TEX11: variants seen among roughly 807,000 people sequenced by gnomAD.
TEX11 encodes the protein testis expressed 11.
TEX11 carries 7 observed loss-of-function variants against 84.4 expected under a neutral mutation model. That is an observed-to-expected ratio of 0.08 (90% CI 0.05 to 0.16). The LOEUF is 0.16. Among genes scored for constraint, TEX11 ranks in the 10% least tolerant of loss-of-function variants. TEX11 has a pLI of 1.00. For synonymous variants in TEX11, 264 were observed against 222.8 expected (o/e 1.18, Z -1.64); for missense variants, 551 against 660.5 (o/e 0.83, Z 1.82).
chrX:70,691,695 G>A (rs2090236251), intron 13 of TEX11, among the ~76,000 whole-genome samples: 2 of 111,097 alleles, frequency 1.8e-5, no homozygotes, highest in African/African-American at 6.5e-5. Context: ...GCTGGTCAAA[G>A]GATATACACT....
At chrX:70,536,605 C>A (rs2087961744) in intron 28 of TEX11, among the ~76,000 whole-genome samples, 1 of 111,981 alleles carries the variant, frequency 8.9e-6, no homozygotes, top group Non-Finnish European at 1.9e-5. Context: ...TGTGATATAC[C>A]TTTTCCATTG....
chrX:70,782,652 A>AAAAAAAAAAAAAAAAAC (rs1569439773), intron 9 of TEX11, among the ~76,000 whole-genome samples: 2 of 102,310 alleles, frequency 2.0e-5, no homozygotes, highest in Admixed American at 1.1e-4. Flanking sequence ...AAGCAAAAAA[A>AAAAAAAAAAAAAAAAAC]AAAAAAAAAA....
intron 25 of TEX11, among the ~76,000 whole-genome samples, chrX:70,555,004 A>C (rs1015902693): frequency 8.9e-6 from 1 of 112,118 alleles, no homozygotes; most frequent in Admixed American, 9.5e-5. Flanking sequence ...TCTCTAAGCT[A>C]ACCGCTACTT....
chrX:70,762,758 G>C (rs2090916811), intron 9 of TEX11, among the ~76,000 whole-genome samples: 1 of 111,674 alleles, frequency 9.0e-6, no homozygotes, highest in Admixed American at 9.5e-5. Context: ...ATGAGGGCCA[G>C]GCATGATGGC....
At position 70,677,916 on chromosome X, in the gene TEX11, C is replaced by T. The variant is rs1313845997; in HGVS notation, c.1242+888G>A. On this transcript the variant is annotated intron_variant, in intron 15 of 29. Coordinates refer to ENST00000374333, the MANE Select transcript of TEX11 (RefSeq NM_031276.3). ...GCAACCTCTGCCTCCCGGGTTCAAG[C>T]GATTCCCCTGCCTCAGCCTCCTGAG... Among the ~76,000 whole-genome samples the T allele has an allele frequency of 6.8e-5, 7 of 102,364 alleles. No homozygotes were observed. The East Asian group carries it at 1.2e-3, about 18-fold the overall frequency. The allele number at this position is 102,364 out of a possible 115,157, so 88.9% of individuals were successfully genotyped here. A position where few individuals can be genotyped will look rare whatever the true frequency, so the allele number is the denominator to read the frequency against.
chrX:70,828,133 G>A (rs1432138571), intron 8 of TEX11, among the ~76,000 whole-genome samples: 5 of 110,787 alleles, frequency 4.5e-5, no homozygotes. Flanking sequence ...AGCAAGCCTA[G>A]ATTGAGAAGA....
chrX:70,735,426 A>C (rs1312745046), intron 11 of TEX11, among the ~76,000 whole-genome samples: 1 of 111,932 alleles, frequency 8.9e-6, no homozygotes, highest in South Asian at 3.7e-4. Flanking sequence ...GAACAAGTAC[A>C]GGAAGATTGT....
At chrX:70,842,586 C>T (rs2091453054) in intron 7 of TEX11, among the ~76,000 whole-genome samples, 1 of 111,788 alleles carries the variant, frequency 8.9e-6, no homozygotes, top group Admixed American at 9.6e-5. Flanking sequence ...CAGGGATGCC[C>T]TCTCTCACCA....
intron 3 of TEX11, 118 bp downstream of exon 3, chrX:70,879,870 G>A (rs753143277): frequency 5.8e-5 from 33 of 567,909 alleles, no homozygotes; most frequent in Non-Finnish European, 7.8e-5. Context: ...TCCAAAAATA[G>A]ATTTTTATAT....
intron 24 of TEX11, among the ~76,000 whole-genome samples, chrX:70,602,169 AC>A (rs1232136485): frequency 9.0e-6 from 1 of 110,599 alleles, no homozygotes; most frequent in Non-Finnish European, 1.9e-5. Context: ...CGGGGGGCTG[AC>A]CCCCCCACCT....
rs780011355 is a variant in TEX11, at chrX:70,782,645, C to CAAAAAAAAAAAAAAA, written c.692+24045_692+24059dup. Reference sequence around the variant, plus strand: ...GAAGATCTACCAAGCAAATGGAAAGCAAAAAAAAAAAAAAAAAAAAACAGG... The same window carrying CAAAAAAAAAAAAAAA: ...GAAGATCTACCAAGCAAATGGAAAGCAAAAAAAAAAAAAAAAAAAAAAAAAAAAAAAAAAAACAGG... On this transcript the variant is annotated intron_variant, in intron 9 of 29. Coordinates refer to ENST00000374333, the MANE Select transcript of TEX11 (RefSeq NM_031276.3). 5.9e-4 allele frequency among the ~76,000 whole-genome samples: 17 copies of CAAAAAAAAAAAAAAA among 28,900 alleles called. 2 individuals are homozygous for CAAAAAAAAAAAAAAA. The highest frequency in any genetic ancestry group is 3.8e-3 in the East Asian group (2 of 524). 25.1% of individuals were successfully genotyped at this position (28,900 alleles called of 115,157 possible).
In TEX11 at chrX:70,603,589, C is replaced by G. The variant is rs183494283; in HGVS notation, c.2067+1812G>C. ...AAAGACTTAAACATTCGACCTAAAA[C>G]CATAAAAACCCTAAAGGAAACCTAG... On this transcript the variant is annotated intron_variant, in intron 24 of 29. Coordinates refer to ENST00000374333, the MANE Select transcript of TEX11 (RefSeq NM_031276.3). Among the ~76,000 whole-genome samples the G allele has an allele frequency of 2.7e-5, 3 of 111,068 alleles. No homozygotes were observed. The East Asian group carries it at 8.4e-4, about 31-fold the overall frequency.
At chrX:70,552,292 T>G (rs377661844) in intron 27 of TEX11, 46 bp from the exon 28 acceptor site, 1 of 1,187,206 alleles carries the variant, frequency 8.4e-7, no homozygotes, top group Non-Finnish European at 1.1e-6. Flanking sequence ...AAAGAAATCA[T>G]TGGCTTCATG....
intron 25 of TEX11, among the ~76,000 whole-genome samples, chrX:70,571,471 A>G (rs1295975790): frequency 8.9e-6 from 1 of 112,154 alleles, no homozygotes; most frequent in Non-Finnish European, 1.9e-5. Flanking sequence ...ATCTTTTCTA[A>G]TATATGCATT....
chrX:70,670,949 T>C (rs927631382), intron 15 of TEX11, among the ~76,000 whole-genome samples: 3 of 112,087 alleles, frequency 2.7e-5, no homozygotes, highest in Non-Finnish European at 3.8e-5. Flanking sequence ...GTAGCTTATA[T>C]AGAATTTCAT....
intron 25 of TEX11, among the ~76,000 whole-genome samples, chrX:70,571,175 T>G (rs975624991): frequency 9.0e-6 from 1 of 111,186 alleles, no homozygotes; most frequent in Non-Finnish European, 1.9e-5. Flanking sequence ...TGTGCCACCA[T>G]GCCTGGCTAA....
intron 13 of TEX11, among the ~76,000 whole-genome samples, chrX:70,693,782 C>T (rs963724837): frequency 2.7e-5 from 3 of 111,788 alleles, no homozygotes; most frequent in Non-Finnish European, 3.8e-5. Flanking sequence ...ATTCTTACCA[C>T]ACAAAGAAGT....
chrX:70,758,327 C>T (rs1415766925), intron 9 of TEX11, among the ~76,000 whole-genome samples: 1 of 112,022 alleles, frequency 8.9e-6, no homozygotes, highest in Non-Finnish European at 1.9e-5. Context: ...ATACATTCTT[C>T]TCAGCACCAC....
chrX:70,806,455 A>G (rs1038259662), intron 9 of TEX11, among the ~76,000 whole-genome samples: 3 of 110,767 alleles, frequency 2.7e-5, no homozygotes, highest in Non-Finnish European at 5.7e-5. Flanking sequence ...GATACGAAAA[A>G]AAAAAGAAGA....
Sources: allele counts gnomAD v4.1 joint callset (sites outside exome capture counted in the v4.1 genomes callset), GRCh38; gene constraint gnomAD v4.1.1; transcripts MANE v1.5; gene names NCBI Gene and HGNC (gene_info 2026-07-23, HGNC 2026-07-21).